Variants in CDH12 observed in about 807,000 individuals in gnomAD.
CDH12 encodes the protein cadherin 12.
In CDH12, 41 loss-of-function variants were observed where a neutral mutation model predicts 74.1. The ratio of observed to expected loss-of-function variants is 0.55; its 90% CI spans 0.43 to 0.72. The LOEUF (loss-of-function observed/expected upper bound fraction) is 0.72, where lower values mean the gene tolerates loss of function less well. CDH12 is among the 30% of genes least tolerant of loss of function. The probability of loss-of-function intolerance (pLI) is 0.00; values close to 1 mark genes in which losing one functional copy is unlikely to be tolerated. For missense variants in CDH12, 945 were observed against 977.2 expected, an observed-to-expected ratio of 0.97 and a Z score of 0.44; for synonymous variants, 399 against 355.0, an observed-to-expected ratio of 1.12 and a Z score of -1.39.
chr5:22,702,768 G>T (rs10072315), intron 1 of CDH12, among the ~76,000 whole-genome samples: 95,553 of 151,722 alleles, frequency 0.63, 30,324 homozygotes, highest in Admixed American at 0.71. Flanking sequence ...CTTACTACTG[G>T]GATACTTTGA....
At chr5:21,878,820 G>GAGAAA (rs765910463) in intron 6 of CDH12, among the ~76,000 whole-genome samples, 1 of 82,526 alleles carries the variant, frequency 1.2e-5, no homozygotes, top group African/African-American at 3.5e-5. Flanking sequence ...AAGAAAGAAA[G>GAGAAA]AGAAAAGAAA....
At chr5:22,125,867 G>A (rs907798572) in intron 4 of CDH12, among the ~76,000 whole-genome samples, 10 of 151,970 alleles carry the variant, frequency 6.6e-5, no homozygotes, top group East Asian at 1.9e-4. Flanking sequence ...TGACTCCCTC[G>A]CTTTTTGTTT....
intron 8 of CDH12, among the ~76,000 whole-genome samples, chr5:21,827,577 T>C (rs1320648052): frequency 2.0e-5 from 3 of 152,200 alleles, no homozygotes; most frequent in African/African-American, 4.8e-5. Flanking sequence ...CGTTTAATAC[T>C]ATAGTTCTAC....
chr5:22,158,112 T>C (rs1748135514), intron 4 of CDH12, among the ~76,000 whole-genome samples: 1 of 152,080 alleles, frequency 6.6e-6, no homozygotes, highest in South Asian at 2.1e-4. Context: ...ATTTCATATT[T>C]TTTCTCTTTG....
At chr5:22,275,352 T>A (rs1213873683) in intron 3 of CDH12, among the ~76,000 whole-genome samples, 5 of 151,848 alleles carry the variant, frequency 3.3e-5, no homozygotes, top group Non-Finnish European at 7.4e-5. Flanking sequence ...AAAAGAAAAA[T>A]TTGTTATTCC....
At chr5:22,663,576 A>G (rs1740455836) in intron 1 of CDH12, among the ~76,000 whole-genome samples, 1 of 152,236 alleles carries the variant, frequency 6.6e-6, no homozygotes, top group African/African-American at 2.4e-5. Flanking sequence ...TTTACAAACA[A>G]AAGTACTTAT....
chr5:22,641,831 T>C (rs1218627584), intron 1 of CDH12, among the ~76,000 whole-genome samples: 2 of 152,202 alleles, frequency 1.3e-5, no homozygotes, highest in Non-Finnish European at 2.9e-5. Flanking sequence ...TTCTCAGGCT[T>C]CTTTATTGCT....
intron 5 of CDH12, among the ~76,000 whole-genome samples, chr5:21,989,816 T>A (rs190353259): frequency 1.3e-5 from 2 of 152,302 alleles, no homozygotes; most frequent in Non-Finnish European, 2.9e-5. Flanking sequence ...AAAGTGGAGA[T>A]AATATAAAAT....
intron 3 of CDH12, among the ~76,000 whole-genome samples, chr5:22,247,475 G>C (rs1025896804): frequency 1.1e-4 from 17 of 152,074 alleles, no homozygotes; most frequent in African/African-American, 3.4e-4. Flanking sequence ...AGGAGTTCGA[G>C]ACCAGCCTAG....
intron 1 of CDH12, among the ~76,000 whole-genome samples, chr5:22,545,925 T>TG (rs1738305321): frequency 6.7e-6 from 1 of 148,630 alleles, no homozygotes; most frequent in East Asian, 2.1e-4. Flanking sequence ...CTGTCTAGAT[T>TG]TTTGTTGTTG....
intron 1 of CDH12, among the ~76,000 whole-genome samples, chr5:22,535,367 A>G (rs1476200465): frequency 1.3e-5 from 2 of 151,964 alleles, no homozygotes; most frequent in Admixed American, 1.3e-4. Context: ...CGTGTTAGCC[A>G]GGATGGTCTC....
intron 4 of CDH12, among the ~76,000 whole-genome samples, chr5:22,174,671 A>C (rs373496266): frequency 2.0e-5 from 3 of 152,070 alleles, no homozygotes; most frequent in East Asian, 3.9e-4. Context: ...AGTCAATACC[A>C]TTTATCTTGA....
intron 8 of CDH12, among the ~76,000 whole-genome samples, chr5:21,833,716 TG>T (rs1452202206): frequency 7.8e-6 from 1 of 128,772 alleles, no homozygotes; most frequent in African/African-American, 2.9e-5. Flanking sequence ...AGGTTTGCTC[TG>T]TAGACTACCT....
At chr5:22,283,233 T>C (rs1464899152) in intron 3 of CDH12, among the ~76,000 whole-genome samples, 60 of 22,424 alleles carry the variant, frequency 2.7e-3, no homozygotes, top group East Asian at 0.013. Flanking sequence ...TATATATATA[T>C]ATATATATAT....
In CDH12 at chr5:22,469,506, C is replaced by T. The variant is rs79182684; in HGVS notation, c.-428+35764G>A. Among the ~76,000 whole-genome samples, 1,348 of 150,626 alleles carry T rather than the reference C, an allele frequency of 8.9e-3. 21 individuals are homozygous for T. The highest frequency in any genetic ancestry group is 0.031 in the African/African-American group (1,279 of 40,966). On this transcript the variant is annotated intron_variant, in intron 2 of 14. Transcript: ENST00000382254. Reference sequence around the variant, plus strand: ...CGAATACCCTCTTCTTATAGGTATACAAGCCATATTGCATTAAGGCTCACT... The same window carrying T: ...CGAATACCCTCTTCTTATAGGTATATAAGCCATATTGCATTAAGGCTCACT...
chr5:22,055,048 A>G (rs560957887), intron 5 of CDH12, among the ~76,000 whole-genome samples: 2 of 152,334 alleles, frequency 1.3e-5, no homozygotes, highest in South Asian at 4.1e-4. Flanking sequence ...ATTTTACCCT[A>G]ATATCAGGTG....
intron 1 of CDH12, among the ~76,000 whole-genome samples, chr5:22,582,540 T>A: frequency 6.6e-6 from 1 of 152,322 alleles, no homozygotes; most frequent in Non-Finnish European, 1.5e-5. Flanking sequence ...AATCCTAAAT[T>A]GTTCCCACAG....
chr5:22,400,465 G>A (rs1269903374), intron 3 of CDH12, among the ~76,000 whole-genome samples: 2 of 151,670 alleles, frequency 1.3e-5, no homozygotes, highest in East Asian at 3.9e-4. Context: ...TTTTTTTAAT[G>A]TTTTATTTTG....
At chr5:22,053,484 G>A (rs1036319136) in intron 5 of CDH12, among the ~76,000 whole-genome samples, 1 of 151,878 alleles carries the variant, frequency 6.6e-6, no homozygotes, top group Non-Finnish European at 1.5e-5. Flanking sequence ...GTGTTATCCC[G>A]GCTATGCAGG....
Sources: gnomAD v4.1 joint callset for allele counts (sites outside exome capture counted in the v4.1 genomes callset) on GRCh38, gnomAD v4.1.1 for gene constraint, MANE v1.5 for transcripts, NCBI Gene and HGNC (gene_info 2026-07-23, HGNC 2026-07-21) for gene names.